Variants in RBFOX1 observed in about 807,000 individuals in gnomAD.
RBFOX1 encodes the protein RNA binding fox-1 homolog 1.
RBFOX1 carries 8 observed loss-of-function variants against 57.7 expected under a neutral mutation model. The ratio of observed to expected loss-of-function variants is 0.14; its 90% CI spans 0.08 to 0.25. RBFOX1 has a LOEUF of 0.25. Ranked by LOEUF, RBFOX1 falls within the 10% of genes least tolerant of loss-of-function variation. The pLI, the probability that RBFOX1 is intolerant of heterozygous loss-of-function variation, is 1.00. For missense variants in RBFOX1, 611 were observed against 548.5 expected, an observed-to-expected ratio of 1.11 and a Z score of -1.14; for synonymous variants, 326 against 222.4, an observed-to-expected ratio of 1.47 and a Z score of -4.15.
intron 3 of RBFOX1, chr16:6,705,560 G>C (rs921141370): frequency 6.6e-6 from 1 of 152,132 alleles, no homozygotes; most frequent in Non-Finnish European, 1.5e-5. Context: ...CTCCAAAAAG[G>C]GAAGAAGGGC....
At chr16:7,626,588 G>A (rs565041271) in intron 10 of RBFOX1, among the ~76,000 whole-genome samples, 5 of 152,258 alleles carry the variant, frequency 3.3e-5, no homozygotes, top group African/African-American at 9.6e-5. Context: ...GACAGTCCAG[G>A]CTGCGCAGGT....
At chr16:6,418,285 C>T (rs1199965099) in intron 2 of RBFOX1, among the ~76,000 whole-genome samples, 6 of 152,058 alleles carry the variant, frequency 3.9e-5, no homozygotes, top group African/African-American at 1.4e-4. Context: ...GAGGTGTGTC[C>T]TTTAACCACT....
At chr16:7,029,087 C>CATAT (rs2041970179) in intron 3 of RBFOX1, among the ~76,000 whole-genome samples, 2 of 18,538 alleles carry the variant, frequency 1.1e-4, no homozygotes, top group Non-Finnish European at 1.6e-4. Flanking sequence ...TATATACACA[C>CATAT]ACACACACAC....
chr16:6,453,059 T>C (rs2094673158), intron 2 of RBFOX1, among the ~76,000 whole-genome samples: 1 of 152,218 alleles, frequency 6.6e-6, no homozygotes, highest in Non-Finnish European at 1.5e-5. Context: ...CAGGTATGTA[T>C]TGTACAACTA....
At chr16:6,934,189 G>C (rs1443043183) in intron 3 of RBFOX1, among the ~76,000 whole-genome samples, 1 of 152,160 alleles carries the variant, frequency 6.6e-6, no homozygotes, top group African/African-American at 2.4e-5. Context: ...ATACCTAGCT[G>C]CAGTTCCTGG....
chr16:6,910,055 G>C (rs2071155991), intron 3 of RBFOX1, among the ~76,000 whole-genome samples: 1 of 152,046 alleles, frequency 6.6e-6, no homozygotes, highest in Non-Finnish European at 1.5e-5. Context: ...CAGGCTACAA[G>C]TCTCCTAGGA....
At chr16:6,733,584 T>A (rs959452857) in intron 3 of RBFOX1, among the ~76,000 whole-genome samples, 1 of 152,168 alleles carries the variant, frequency 6.6e-6, no homozygotes, top group Non-Finnish European at 1.5e-5. Flanking sequence ...CTGCAGTAGT[T>A]AAAAACCTGA....
At chr16:5,664,293 T>G (rs1037463448) in intron 3 of RBFOX1, among the ~76,000 whole-genome samples, 1 of 152,186 alleles carries the variant, frequency 6.6e-6, no homozygotes, top group Non-Finnish European at 1.5e-5. Context: ...CTCACGCCTA[T>G]AATCCCAGCA....
intron 3 of RBFOX1, among the ~76,000 whole-genome samples, chr16:6,971,185 G>T (rs376514062): frequency 6.6e-6 from 1 of 152,166 alleles, no homozygotes; most frequent in African/African-American, 2.4e-5. Flanking sequence ...AAAAGTATCC[G>T]CTATACAGAG....
At chr16:5,434,048 G>A (rs1412849300) in intron 1 of RBFOX1, among the ~76,000 whole-genome samples, 1 of 152,104 alleles carries the variant, frequency 6.6e-6, no homozygotes, top group Non-Finnish European at 1.5e-5. Flanking sequence ...CGGGGAGAAG[G>A]GGGTGTCTGA....
intron 4 of RBFOX1, among the ~76,000 whole-genome samples, chr16:7,401,173 T>C (rs1321933723): frequency 6.6e-6 from 1 of 152,208 alleles, no homozygotes; most frequent in Non-Finnish European, 1.5e-5. Flanking sequence ...TTTTAAAAAA[T>C]GTATCTTCAT....
intron 4 of RBFOX1, among the ~76,000 whole-genome samples, chr16:7,440,008 G>C (rs1290256057): frequency 7.0e-6 from 1 of 143,140 alleles, no homozygotes; most frequent in African/African-American, 2.6e-5. Context: ...CTGCAGTGCA[G>C]TGGTGAGATC....
At chr16:7,593,062 G>C (rs2152931852) in intron 7 of RBFOX1, among the ~76,000 whole-genome samples, 1 of 150,958 alleles carries the variant, frequency 6.6e-6, no homozygotes, top group East Asian at 2.0e-4. Context: ...TGATCCTCCT[G>C]CCTTGGCCTC....
chr16:6,957,292 A>T (rs988837538), intron 3 of RBFOX1, among the ~76,000 whole-genome samples: 2 of 151,444 alleles, frequency 1.3e-5, no homozygotes, highest in Non-Finnish European at 2.9e-5. Flanking sequence ...CCACTGCGCC[A>T]GGCTAATTTT....
At chr16:5,853,907 GTGCCAC>G (rs2056959781) in intron 3 of RBFOX1, among the ~76,000 whole-genome samples, 1 of 152,178 alleles carries the variant, frequency 6.6e-6, no homozygotes, top group Non-Finnish European at 1.5e-5. Context: ...TTGCAGGCAT[GTGCCAC>G]TGCACCCAGC....
At chr16:7,288,643 C>T (rs2095697903) in intron 4 of RBFOX1, among the ~76,000 whole-genome samples, 1 of 152,158 alleles carries the variant, frequency 6.6e-6, no homozygotes, top group Non-Finnish European at 1.5e-5. Context: ...GAGTTCGAGA[C>T]CAGCCTGGCC....
chr16:5,512,356 C>T (rs1322023472), intron 2 of RBFOX1, among the ~76,000 whole-genome samples: 1 of 152,028 alleles, frequency 6.6e-6, no homozygotes, highest in Non-Finnish European at 1.5e-5. Flanking sequence ...ATCAATTTCC[C>T]TCCCTCCCTC....
chr16:7,080,951 T>C (rs774601098), intron 4 of RBFOX1, among the ~76,000 whole-genome samples: 4 of 152,194 alleles, frequency 2.6e-5, no homozygotes, highest in African/African-American at 7.2e-5. Context: ...ATAGCACCTT[T>C]AGTAACTAAA....
intron 10 of RBFOX1, among the ~76,000 whole-genome samples, chr16:7,616,793 A>G (rs1055249982): frequency 1.3e-5 from 2 of 152,082 alleles, no homozygotes; most frequent in African/African-American, 4.8e-5. Context: ...CGGTATTCCA[A>G]AGTGCTGGGA....
Sources: allele counts gnomAD v4.1 joint callset (sites outside exome capture counted in the v4.1 genomes callset), GRCh38; gene constraint gnomAD v4.1.1; transcripts MANE v1.5; gene names NCBI Gene and HGNC (gene_info 2026-07-23, HGNC 2026-07-21).